Variants in PBX1 observed in about 807,000 individuals in gnomAD.
The protein encoded by PBX1 is PBX homeobox 1.
Under a neutral mutation model 53.4 loss-of-function variants are expected in PBX1, and 6 were observed. The observed-to-expected ratio is 0.11, with a 90% CI of 0.06 to 0.22. PBX1 has a LOEUF of 0.22. Ranked by LOEUF, PBX1 falls within the 10% of genes least tolerant of loss-of-function variation. PBX1 has a pLI of 1.00. For missense variants in PBX1, 251 were observed against 551.4 expected, an observed-to-expected ratio of 0.46 and a Z score of 5.46; for synonymous variants, 204 against 212.3, an observed-to-expected ratio of 0.96 and a Z score of 0.34.
chr1:164,734,174 A>C (rs558851200), intron 2 of PBX1, among the ~76,000 whole-genome samples: 2 of 152,204 alleles, frequency 1.3e-5, no homozygotes, highest in Non-Finnish European at 2.9e-5. Flanking sequence ...GGATCCTACC[A>C]CTATGTACTT....
intron 2 of PBX1, among the ~76,000 whole-genome samples, chr1:164,876,477 G>T (rs1049731685): frequency 6.6e-5 from 10 of 151,760 alleles, no homozygotes; most frequent in African/African-American, 2.4e-4. Flanking sequence ...GATATTGAAA[G>T]GAGACTTAGG....
intron 2 of PBX1, among the ~76,000 whole-genome samples, chr1:164,573,685 C>T (rs1360424102): frequency 6.6e-6 from 1 of 152,038 alleles, no homozygotes; most frequent in Non-Finnish European, 1.5e-5. Flanking sequence ...GGGGTTTCAC[C>T]ATGTCGGCCA....
At chr1:164,618,294 C>G (rs1005829494) in intron 2 of PBX1, among the ~76,000 whole-genome samples, 7 of 118,756 alleles carry the variant, frequency 5.9e-5, no homozygotes, top group Admixed American at 8.9e-5. Context: ...AGAATAATCA[C>G]GGCGGGGGGG....
intron 2 of PBX1, among the ~76,000 whole-genome samples, chr1:164,681,041 A>G (rs79445700): frequency 0.029 from 4,472 of 152,162 alleles, 102 homozygotes; most frequent in East Asian, 0.066. Flanking sequence ...TGGGAAGAGT[A>G]TTGCTTGAGC....
chr1:164,588,948 C>T (rs1294170553), intron 2 of PBX1, among the ~76,000 whole-genome samples: 1 of 152,026 alleles, frequency 6.6e-6, no homozygotes, highest in South Asian at 2.1e-4. Flanking sequence ...TTTTGAGGCT[C>T]CAGCGGCGAG....
chr1:164,628,266 C>G (rs1384624545), intron 2 of PBX1, among the ~76,000 whole-genome samples: 1 of 152,182 alleles, frequency 6.6e-6, no homozygotes, highest in African/African-American at 2.4e-5. Flanking sequence ...AATCAGTTTA[C>G]AACTGATACT....
chr1:164,686,160 C>G (rs368309244), intron 2 of PBX1, among the ~76,000 whole-genome samples: 1 of 152,152 alleles, frequency 6.6e-6, no homozygotes, highest in East Asian at 1.9e-4. Context: ...TGTGTAAAGG[C>G]CTAACACCCA....
intron 2 of PBX1, among the ~76,000 whole-genome samples, chr1:164,746,379 C>T (rs1396825194): frequency 6.6e-6 from 1 of 151,742 alleles, no homozygotes; most frequent in African/African-American, 2.4e-5. Flanking sequence ...ATTCTTTTTT[C>T]TTCTTCTTCT....
chr1:164,792,441 T>C (rs1370230522), intron 2 of PBX1, 53 bp from the exon 3 acceptor site: 33 of 1,599,896 alleles, frequency 2.1e-5, no homozygotes, highest in Admixed American at 7.0e-5. Context: ...TTGTGTTTTT[T>C]ATTTTCTTTC....
rs1374694792 is a variant in PBX1, at chr1:164,784,353, A to G, written c.266-8141A>G. ...CACCCATCCAGAAAGGCAGGGGCCTATCGCCCAGCACATTAGCTTTCTCCC... is the reference window on the plus strand; with the variant it reads ...CACCCATCCAGAAAGGCAGGGGCCTGTCGCCCAGCACATTAGCTTTCTCCC... On this transcript the variant is annotated intron_variant, in intron 2 of 8. Transcript: ENST00000420696. Among the ~76,000 whole-genome samples the G allele has an allele frequency of 2.0e-5, 3 of 152,218 alleles. No individual in the cohort carries two copies. In the East Asian group the frequency reaches 5.8e-4, roughly 29 times the overall value.
intron 2 of PBX1, among the ~76,000 whole-genome samples, chr1:164,728,767 T>C (rs2102130139): frequency 6.6e-6 from 1 of 152,310 alleles, no homozygotes; most frequent in South Asian, 2.1e-4. Flanking sequence ...ATAACACCGG[T>C]TGAGTAATTT....
intron 2 of PBX1, among the ~76,000 whole-genome samples, chr1:164,663,236 T>TCCTG (rs1553226498): frequency 7.1e-6 from 1 of 141,784 alleles, no homozygotes; most frequent in Non-Finnish European, 1.5e-5. Flanking sequence ...CTGCCTTCCT[T>TCCTG]CCTTCCTGCC....
At chr1:164,786,584 A>G (rs559051518) in intron 2 of PBX1, among the ~76,000 whole-genome samples, 2 of 152,152 alleles carry the variant, frequency 1.3e-5, no homozygotes, top group Non-Finnish European at 2.9e-5. Context: ...ATTAAAAGAA[A>G]TTAGGAAATC....
intron 2 of PBX1, among the ~76,000 whole-genome samples, chr1:164,782,545 T>C (rs1427882207): frequency 6.6e-6 from 1 of 152,236 alleles, no homozygotes; most frequent in African/African-American, 2.4e-5. Context: ...CAATAGCTCA[T>C]TGTATTAGGA....
At chr1:164,590,112 C>A (rs1030765880) in intron 2 of PBX1, among the ~76,000 whole-genome samples, 2 of 151,584 alleles carry the variant, frequency 1.3e-5, no homozygotes, top group Non-Finnish European at 2.9e-5. Context: ...ACTCGGGAGG[C>A]TGAGGTGGGA....
intron 2 of PBX1, among the ~76,000 whole-genome samples, chr1:164,645,795 A>T (rs1659420761): frequency 6.6e-6 from 1 of 152,244 alleles, no homozygotes; most frequent in African/African-American, 2.4e-5. Context: ...CACTAAGGTG[A>T]TGTGACCGTC....
intron 2 of PBX1, among the ~76,000 whole-genome samples, chr1:164,704,591 T>G (rs919909356): frequency 6.6e-6 from 1 of 152,128 alleles, no homozygotes; most frequent in Non-Finnish European, 1.5e-5. Flanking sequence ...AAAAATAATA[T>G]TATTATATTA....
chr1:164,739,785 G>A (rs966378367), intron 2 of PBX1, among the ~76,000 whole-genome samples: 1 of 142,250 alleles, frequency 7.0e-6, no homozygotes, highest in Admixed American at 7.0e-5. Context: ...GTGTGTGTGT[G>A]TGTGTATGTA....
At chr1:164,595,382 C>T (rs923982407) in intron 2 of PBX1, among the ~76,000 whole-genome samples, 6 of 152,070 alleles carry the variant, frequency 3.9e-5, no homozygotes, top group African/African-American at 4.8e-5. Flanking sequence ...AGTGGTCCCA[C>T]GGTGGCAAGT....
Sources: gnomAD v4.1 joint callset for allele counts (sites outside exome capture counted in the v4.1 genomes callset) on GRCh38, gnomAD v4.1.1 for gene constraint, MANE v1.5 for transcripts, NCBI Gene and HGNC (gene_info 2026-07-23, HGNC 2026-07-21) for gene names.